CPAMD8: variants seen among roughly 807,000 people sequenced by gnomAD.
The protein encoded by CPAMD8 is C3 and PZP like alpha-2-macroglobulin domain containing 8.
A neutral mutation model predicts 224.7 loss-of-function variants in CPAMD8; 146 were observed. The observed-to-expected ratio is 0.65, with a 90% CI of 0.57 to 0.75. The LOEUF is 0.75. Among genes scored for constraint, CPAMD8 ranks in the 30% least tolerant of loss-of-function variants. The pLI is 0.00. For missense variants in CPAMD8, 2,301 were observed against 2,537.5 expected (o/e 0.91, Z 2.00); for synonymous variants, 966 against 1,044.6 (o/e 0.92, Z 1.45).
At chr19:16,918,415 T>G (rs983219869) in intron 27 of CPAMD8, among the ~76,000 whole-genome samples, 1 of 108,848 alleles carries the variant, frequency 9.2e-6, no homozygotes, top group Admixed American at 9.4e-5. Context: ...AACTTTTCGT[T>G]TTTGGAACTT....
chr19:16,984,078 G>A (rs957989910), intron 13 of CPAMD8, among the ~76,000 whole-genome samples: 13 of 152,086 alleles, frequency 8.5e-5, no homozygotes, highest in African/African-American at 2.9e-4. Flanking sequence ...TTGAAATAAG[G>A]GTGCCAAGAC....
At chr19:16,967,898 T>TGC in intron 18 of CPAMD8, among the ~76,000 whole-genome samples, 1 of 148,702 alleles carries the variant, frequency 6.7e-6, no homozygotes, top group South Asian at 2.1e-4. Context: ...CACATGTGTG[T>TGC]GTATATATGT....
At chr19:17,022,653 C>T (rs2056990038) in intron 1 of CPAMD8, among the ~76,000 whole-genome samples, 1 of 152,054 alleles carries the variant, frequency 6.6e-6, no homozygotes. Flanking sequence ...TGCCTGCCAC[C>T]ACGGCCGGCT....
At chr19:17,005,693 T>G (rs1164076008) in intron 7 of CPAMD8, among the ~76,000 whole-genome samples, 1 of 152,076 alleles carries the variant, frequency 6.6e-6, no homozygotes, top group African/African-American at 2.4e-5. Flanking sequence ...GGGAGAGTGG[T>G]TCCCCTGGGT....
At chr19:17,011,869 G>A (rs1203372875) in intron 3 of CPAMD8, 112 bp from the exon 4 acceptor site, 8 of 1,232,322 alleles carry the variant, frequency 6.5e-6, no homozygotes, top group Non-Finnish European at 7.8e-6. Flanking sequence ...AGGAGTGACT[G>A]TGCCCCAGGG....
chr19:16,894,671 T>C, intron 41 of CPAMD8: 1 of 343,290 alleles, frequency 2.9e-6, no homozygotes, highest in South Asian at 2.1e-5. Flanking sequence ...CCATGTGCGG[T>C]AAGAGGGGAG....
chr19:17,004,451 G>A, intron 7 of CPAMD8, 65 bp from the exon 8 acceptor site: 1 of 1,055,350 alleles, frequency 9.5e-7, no homozygotes. Flanking sequence ...TACGGGAAGA[G>A]GGAGCCAGGA....
At chr19:16,904,846 C>A (rs1427790910) in intron 30 of CPAMD8, among the ~76,000 whole-genome samples, 1 of 152,236 alleles carries the variant, frequency 6.6e-6, no homozygotes, top group East Asian at 1.9e-4. Context: ...CCTTCCTGGA[C>A]ACAGACATCA....
rs529779893 is a variant in CPAMD8, at chr19:16,993,153, C to T, written c.1266+263G>A. On this transcript the variant is annotated intron_variant, in intron 12 of 41. Coordinates refer to ENST00000443236, the MANE Select transcript of CPAMD8 (RefSeq NM_015692.5). ...GCCCAGAAGCAGCCTGGCTGACTTC[C>T]CCATGGTCAGGAGTCCATTTGGAGA... 6.0e-4 allele frequency among the ~76,000 whole-genome samples: 91 copies of T among 152,316 alleles called. 1 individual carries two copies. In the South Asian group the frequency reaches 9.3e-3, roughly 16 times the overall value.
chr19:16,993,415 C>G lies in CPAMD8; in HGVS notation c.1266+1G>C. The G allele has an allele frequency of 6.2e-7, 1 of 1,611,896 alleles. No homozygotes were observed. On this transcript the variant is annotated splice_donor_variant, in intron 12 of 41. Coordinates refer to ENST00000443236, the MANE Select transcript of CPAMD8 (RefSeq NM_015692.5). LOFTEE classifies it high-confidence loss of function. ...AACAAGGGTCCACGGGACTCACCCA[C>G]CTCCAGCCACACGTGCTGGGCTGAC...
intron 21 of CPAMD8, 51 bp downstream of exon 21, chr19:16,947,023 A>G: frequency 6.5e-7 from 1 of 1,533,784 alleles, no homozygotes; most frequent in South Asian, 1.3e-5. Flanking sequence ...ATGCCAGGAC[A>G]CTTTTGTGGC....
At position 16,947,108 on chromosome 19, in the gene CPAMD8, CA is replaced by C. The variant is rs762638518; in HGVS notation, c.2627del (p.Leu876ArgfsTer53). On this transcript the variant is annotated frameshift_variant, in exon 21 of 42. Transcript: ENST00000443236. LOFTEE classifies it high-confidence loss of function. ...TGTTGAGTCCCAGGTCGCTGAAGGA[CA>C]GAACGACCCAGATGGGCTCAGCCTC... ...PGEAEPIWVV[L>X]SFSDLGLNNI... The C allele has an allele frequency of 6.2e-7, 1 of 1,613,050 alleles. No individual in the cohort carries two copies. Among genetic ancestry groups the C allele is most frequent in the Non-Finnish European group, 8.5e-7 (1 of 1,179,384 alleles).
chr19:16,939,425 T>C (rs1275763669), intron 22 of CPAMD8, among the ~76,000 whole-genome samples: 1 of 152,012 alleles, frequency 6.6e-6, no homozygotes, highest in East Asian at 1.9e-4. Context: ...GCCAGGCTAG[T>C]CTCAAGCTCC....
Position 16,904,551 on chromosome 19 carries a change from A to T in CPAMD8, c.4029T>A (p.Asp1343Glu), listed in dbSNP as rs779753874. ...RKLRSLAIMR[D>E]GVTHWSLSNS... ...TTGACAGGCTCCAGTGGGTGACCCC[A>T]TCTGCAAGGAAAGGAGTGGTCAAGA... is the stretch of plus-strand genomic sequence containing the variant. The change falls in exon 31 of 42, where the codon GAT becomes GAA. Residue 1343 changes from aspartate (D) to glutamate (E), a missense_variant and splice_region_variant. By Grantham distance (45) the Asp-to-Glu change is conservative (BLOSUM62 2). Coordinates refer to ENST00000443236, the MANE Select transcript of CPAMD8 (RefSeq NM_015692.5). The T allele has an allele frequency of 1.9e-6, 3 of 1,610,174 alleles. No homozygotes were observed. In the South Asian group the frequency reaches 3.3e-5, roughly 18 times the overall value.
chr19:16,966,816 G>A (rs534323219), intron 18 of CPAMD8, among the ~76,000 whole-genome samples: 5 of 152,230 alleles, frequency 3.3e-5, no homozygotes, highest in East Asian at 1.9e-4. Context: ...TTAGAATGGC[G>A]ATCATTAAAA....
At chr19:17,001,965 T>C (rs563356675) in intron 9 of CPAMD8, among the ~76,000 whole-genome samples, 9 of 148,290 alleles carry the variant, frequency 6.1e-5, no homozygotes, top group East Asian at 2.0e-4. Context: ...GGAGATACTT[T>C]AGAGGGAGGA....
chr19:17,011,426 G>T (rs551069314), intron 5 of CPAMD8, 38 bp downstream of exon 5: 16 of 1,612,812 alleles, frequency 9.9e-6, no homozygotes, highest in Non-Finnish European at 1.4e-5. Flanking sequence ...TCCCAAGTGG[G>T]TGCACTCCGG....
intron 18 of CPAMD8, among the ~76,000 whole-genome samples, chr19:16,970,215 G>A (rs2055007331): frequency 7.3e-6 from 1 of 137,018 alleles, no homozygotes; most frequent in Non-Finnish European, 1.5e-5. Flanking sequence ...CTCCAGCCTG[G>A]GAGACAGAGC....
At chr19:17,021,009 T>C (rs1224098188) in intron 2 of CPAMD8, among the ~76,000 whole-genome samples, 1 of 152,142 alleles carries the variant, frequency 6.6e-6, no homozygotes, top group African/African-American at 2.4e-5. Flanking sequence ...AGTGATTGGT[T>C]CAGGGCTGAG....
Sources: gnomAD v4.1 joint callset for allele counts (sites outside exome capture counted in the v4.1 genomes callset) on GRCh38, gnomAD v4.1.1 for gene constraint, MANE v1.5 for transcripts, NCBI Gene and HGNC (gene_info 2026-07-23, HGNC 2026-07-21) for gene names.